The following DLG3 variants were observed in gnomAD, a reference collection of about 807,000 sequenced individuals.
DLG3 encodes the protein disks large homolog 3.
In DLG3, 1 loss-of-function variant was observed where a neutral mutation model predicts 64.1. The observed-to-expected ratio is 0.02, with a 90% CI of 0.01 to 0.07. The LOEUF (loss-of-function observed/expected upper bound fraction) is 0.07. DLG3 is among the 10% of genes least tolerant of loss of function. DLG3 has a pLI of 1.00. For synonymous variants in DLG3, 245 were observed against 259.8 expected, an observed-to-expected ratio of 0.94 and a Z score of 0.55; for missense variants, 429 against 669.5, an observed-to-expected ratio of 0.64 and a Z score of 3.96.
chrX:70,472,307 C>G (rs970758278), intron 9 of DLG3, among the ~76,000 whole-genome samples: 1 of 112,227 alleles, frequency 8.9e-6, no homozygotes, highest in Non-Finnish European at 1.9e-5. Flanking sequence ...AATCCCAACA[C>G]TTTGGGAGGC....
At chrX:70,450,122 A>G in intron 4 of DLG3, 47 bp from the exon 5 acceptor site, 1 of 1,206,126 alleles carries the variant, frequency 8.3e-7, no homozygotes, top group Non-Finnish European at 1.1e-6. Context: ...ACAACACTTT[A>G]ACCTCTCCTT....
At chrX:70,462,276 G>T (rs1487358895) in intron 9 of DLG3, among the ~76,000 whole-genome samples, 2 of 71,000 alleles carry the variant, frequency 2.8e-5, no homozygotes, top group African/African-American at 1.2e-4. Context: ...TTGAGACAGA[G>T]CCTCACTCTG....
chrX:70,445,785 A>T (rs1376933359), intron 1 of DLG3, among the ~76,000 whole-genome samples: 1 of 88,870 alleles, frequency 1.1e-5, no homozygotes, highest in African/African-American at 4.4e-5. Flanking sequence ...GTCAGGGGGT[A>T]AGGGCATGGC....
intron 10 of DLG3, among the ~76,000 whole-genome samples, chrX:70,490,052 G>A (rs1377656419): frequency 1.8e-5 from 2 of 110,120 alleles, no homozygotes; most frequent in African/African-American, 3.3e-5. Context: ...TAGCAGAGAC[G>A]GGGTTTTGCC....
In DLG3 at chrX:70,454,133, C is replaced by G. The variant is rs188138643; in HGVS notation, c.1303-81C>G. On this transcript the variant is annotated intron_variant, in intron 8 of 18. Coordinates refer to ENST00000374360, the MANE Select transcript of DLG3 (RefSeq NM_021120.4). The stretch of plus-strand genomic sequence containing the variant: ...CTAAACAGGCTTAGGGGTGGGGTAC[C>G]CATCTCCCTCTCCTAACTGCTAATG... 82 of 886,916 alleles carry G rather than the reference C, an allele frequency of 9.2e-5. No individual in the cohort carries two copies. In the Admixed American group the frequency reaches 1.9e-3, roughly 20 times the overall value. The allele number at this position is 886,916 out of a possible 1,213,427, so 73.1% of individuals were successfully genotyped here. A position where few individuals can be genotyped will look rare whatever the true frequency, so the allele number is the denominator to read the frequency against.
chrX:70,477,391 A>G (rs956145592), intron 9 of DLG3, among the ~76,000 whole-genome samples: 3 of 112,176 alleles, frequency 2.7e-5, no homozygotes, highest in African/African-American at 9.7e-5. Flanking sequence ...GAGGAGGGCC[A>G]GAAAGGAACA....
Position 70,493,196 on chromosome X carries a change from A to C in DLG3, c.1773+600A>C, listed in dbSNP as rs1272825811. 3.6e-5 allele frequency among the ~76,000 whole-genome samples: 4 copies of C among 112,211 alleles called. No homozygotes were observed. The East Asian group carries it at 1.1e-3, about 31-fold the overall frequency. ...TAACATCCCTACAACATTTTCTTGT[A>C]AACATAATTTTCCTCTTACATCAAC... On this transcript the variant is annotated intron_variant, in intron 12 of 18. Coordinates refer to ENST00000374360, the MANE Select transcript of DLG3 (RefSeq NM_021120.4).
intron 13 of DLG3, 138 bp from the exon 14 acceptor site, chrX:70,498,382 G>C: frequency 1.8e-6 from 1 of 562,889 alleles, no homozygotes; most frequent in Non-Finnish European, 3.0e-6. Flanking sequence ...TTTCTCACCA[G>C]CAGAAAACAG....
chrX:70,452,474 G>A (rs1271036079), intron 7 of DLG3: 5 of 978,230 alleles, frequency 5.1e-6, no homozygotes. Context: ...TGGCGGCAGC[G>A]GCGGCGGCAG....
intron 9 of DLG3, among the ~76,000 whole-genome samples, chrX:70,456,598 C>T (rs2086711947): frequency 8.9e-6 from 1 of 111,893 alleles, no homozygotes; most frequent in Non-Finnish European, 1.9e-5. Context: ...GGTTGAGGTG[C>T]TGTTTTATGC....
intron 9 of DLG3, among the ~76,000 whole-genome samples, chrX:70,461,112 A>G (rs977382358): frequency 9.0e-6 from 1 of 111,371 alleles, no homozygotes; most frequent in Non-Finnish European, 1.9e-5. Context: ...TCATTTGACA[A>G]CTCTGACCTT....
chrX:70,492,319 C>T (rs895091037), intron 11 of DLG3, 36 bp downstream of exon 11: 2 of 1,199,248 alleles, frequency 1.7e-6, no homozygotes, highest in South Asian at 1.8e-5. Flanking sequence ...GCCTTTCCTG[C>T]CCTCTTGCTG....
chrX:70,457,103 G>C (rs1343408967), intron 9 of DLG3, among the ~76,000 whole-genome samples: 1 of 111,902 alleles, frequency 8.9e-6, no homozygotes, highest in Non-Finnish European at 1.9e-5. Context: ...AATGACAAGA[G>C]AGCCAAGATA....
chrX:70,446,540 A>G (rs1399491225), intron 1 of DLG3, among the ~76,000 whole-genome samples: 5 of 112,706 alleles, frequency 4.4e-5, no homozygotes, highest in African/African-American at 1.6e-4. Context: ...GACTGGCCCC[A>G]GTGGGGCATG....
At chrX:70,449,059 G>C in intron 2 of DLG3, 96 bp downstream of exon 2, 1 of 998,869 alleles carries the variant, frequency 1.0e-6, no homozygotes, top group Non-Finnish European at 1.4e-6. Context: ...CCCATGGGGG[G>C]ACCTGCATTT....
At chrX:70,450,383 C>A in intron 5 of DLG3, 78 bp downstream of exon 5, 1 of 1,102,377 alleles carries the variant, frequency 9.1e-7, no homozygotes, top group South Asian at 2.1e-5. Context: ...CCGCCTAAAC[C>A]TCACTCAGGG....
At chrX:70,488,612 GAGA>G (rs2087300731) in intron 10 of DLG3, among the ~76,000 whole-genome samples, 1 of 112,246 alleles carries the variant, frequency 8.9e-6, no homozygotes, top group Non-Finnish European at 1.9e-5. Context: ...TAGCCTGGTA[GAGA>G]AGATCTAGGA....
chrX:70,466,823 T>C (rs1225158480), intron 9 of DLG3, among the ~76,000 whole-genome samples: 1 of 112,275 alleles, frequency 8.9e-6, no homozygotes, highest in Non-Finnish European at 1.9e-5. Flanking sequence ...ATATTTTGCC[T>C]GTGCCCAGAG....
At chrX:70,482,871 G>C (rs2087189338) in intron 10 of DLG3, among the ~76,000 whole-genome samples, 3 of 108,457 alleles carry the variant, frequency 2.8e-5, no homozygotes, top group Admixed American at 1.0e-4. Context: ...GTTTCATCGT[G>C]TTAGCCAGGA....
Sources: allele counts gnomAD v4.1 joint callset (sites outside exome capture counted in the v4.1 genomes callset), GRCh38; gene constraint gnomAD v4.1.1; transcripts MANE v1.5; gene names NCBI Gene and HGNC (gene_info 2026-07-23, HGNC 2026-07-21).